Variants in DYNC1I2 observed in about 807,000 individuals in gnomAD.
DYNC1I2 encodes cytoplasmic dynein 1 intermediate chain 2.
A neutral mutation model predicts 88.6 loss-of-function variants in DYNC1I2; 53 were observed. That is an observed-to-expected ratio of 0.60 (90% confidence interval 0.48 to 0.75). DYNC1I2 has a LOEUF of 0.75. Ranked by LOEUF, DYNC1I2 falls within the 30% of genes least tolerant of loss-of-function variation. The probability of loss-of-function intolerance (pLI) is 0.00; values close to 1 mark genes in which losing one functional copy is unlikely to be tolerated. For synonymous variants in DYNC1I2, 198 were observed against 254.6 expected (o/e 0.78, Z 2.12); for missense variants, 458 against 766.6 (o/e 0.60, Z 4.75).
intron 15 of DYNC1I2, among the ~76,000 whole-genome samples, chr2:171,742,836 A>G (rs924450656): frequency 1.3e-4 from 19 of 151,880 alleles, no homozygotes; most frequent in African/African-American, 4.1e-4. Context: ...CTTGGATTCT[A>G]CTCCCAGCAG....
chr2:171,747,191 CAAAAA>C (rs1168082428), intron 17 of DYNC1I2, among the ~76,000 whole-genome samples: 14 of 76,002 alleles, frequency 1.8e-4, no homozygotes, highest in African/African-American at 5.2e-4. Context: ...GGGACTGTCT[CAAAAA>C]AAAAAAAAAA....
rs1174769632 is a variant in DYNC1I2 at position 171,729,860 on chromosome 2, A to G, written c.1536+7A>G. ...AAAGCTTTGGACAACTAAGGTATCT[A>G]AAATATAGATGTCTGCTATTTGCTC... On this transcript the variant is annotated splice_region_variant and intron_variant, in intron 15 of 17. Transcript: ENST00000397119. 3 of 1,613,364 alleles carry G rather than the reference A, an allele frequency of 1.9e-6. No individual in the cohort carries two copies. The highest frequency in any genetic ancestry group is 2.5e-6 in the Non-Finnish European group (3 of 1,179,566).
At chr2:171,721,596 A>G (rs981485013) in intron 7 of DYNC1I2, among the ~76,000 whole-genome samples, 6 of 152,232 alleles carry the variant, frequency 3.9e-5, no homozygotes, top group African/African-American at 9.6e-5. Flanking sequence ...TAATATTTTC[A>G]TAGCTGTTTG....
chr2:171,728,196 C>A, intron 12 of DYNC1I2, 109 bp from the exon 13 acceptor site: 1 of 735,720 alleles, frequency 1.4e-6, no homozygotes, highest in Non-Finnish European at 2.1e-6. Flanking sequence ...ATTAAGAATA[C>A]CCACAAGTTA....
intron 5 of DYNC1I2, among the ~76,000 whole-genome samples, chr2:171,711,223 G>A (rs149454217): frequency 0.018 from 2,764 of 152,076 alleles, 38 homozygotes; most frequent in Non-Finnish European, 0.024. Flanking sequence ...GGCTGGTCTC[G>A]AACTCCTGAC....
chr2:171,722,171 T>G (rs1037958375), intron 7 of DYNC1I2, among the ~76,000 whole-genome samples: 17 of 152,168 alleles, frequency 1.1e-4, no homozygotes, highest in Non-Finnish European at 4.4e-5. Flanking sequence ...TGTAAGAGAT[T>G]ATTCCAACAA....
At chr2:171,733,724 G>A (rs1688802333) in intron 15 of DYNC1I2, among the ~76,000 whole-genome samples, 1 of 150,438 alleles carries the variant, frequency 6.6e-6, no homozygotes, top group South Asian at 2.1e-4. Context: ...TCTGTAAGTT[G>A]TCTGTTTACT....
chr2:171,706,663 A>G (rs1686700518), intron 4 of DYNC1I2, 99 bp downstream of exon 4: 5 of 1,097,948 alleles, frequency 4.6e-6, no homozygotes, highest in African/African-American at 1.5e-5. Flanking sequence ...GCCTGTTTGC[A>G]TTTTTCACCC....
Position 171,698,419 on chromosome 2 carries a change from T to A in DYNC1I2, c.226+5525T>A, listed in dbSNP as rs575479675. The stretch of plus-strand genomic sequence containing the variant: ...TTATTTTTTGAGACAGGGTTTCACT[T>A]TGTCACCCATTTTGGAATGCAGTGG... On this transcript the variant is annotated intron_variant, in intron 3 of 17. Coordinates refer to ENST00000397119, the MANE Select transcript of DYNC1I2 (RefSeq NM_001378.3). Among the ~76,000 whole-genome samples, 4 of 152,224 alleles carry A rather than the reference T, an allele frequency of 2.6e-5. 1 individual carries two copies. The highest frequency in any genetic ancestry group is 9.6e-5 in the African/African-American group (4 of 41,542).
Position 171,744,051 on chromosome 2 carries a change from T to A in DYNC1I2, c.1539T>A (p.Asn513Lys), listed in dbSNP as rs1689624777. Residue 513 changes from asparagine to lysine, a missense_variant and splice_region_variant, in exon 16 of 18, where the codon AAT becomes AAA. Asn to Lys is a moderately conservative substitution (Grantham distance 94). Coordinates refer to ENST00000397119, the MANE Select transcript of DYNC1I2 (RefSeq NM_001378.3). Reference protein sequence around the residue: ...DWTVKLWTTKNNKPLYSFEDN... With the variant: ...DWTVKLWTTKKNKPLYSFEDN... ...AAGAATCAACTTTTCTCTTTCAGAA[T>A]AACAAGCCTTTGTATTCATTTGAAG... 1 of 1,608,058 alleles carries A rather than the reference T, an allele frequency of 6.2e-7. No homozygotes were observed. The highest frequency in any genetic ancestry group is 8.5e-7 in the Non-Finnish European group (1 of 1,178,558).
chr2:171,720,673 T>C (rs1574579949), intron 7 of DYNC1I2, among the ~76,000 whole-genome samples: 1 of 152,110 alleles, frequency 6.6e-6, no homozygotes, highest in South Asian at 2.1e-4. Flanking sequence ...AGAGGTTGCA[T>C]TGAGCCACGA....
intron 7 of DYNC1I2, among the ~76,000 whole-genome samples, chr2:171,716,563 C>G (rs939126588): frequency 1.3e-5 from 2 of 152,134 alleles, no homozygotes; most frequent in Non-Finnish European, 2.9e-5. Flanking sequence ...AAATCCCTGT[C>G]TACTACCAAA....
chr2:171,743,970 T>A (rs1203267896), intron 15 of DYNC1I2, 79 bp from the exon 16 acceptor site: 36 of 1,268,038 alleles, frequency 2.8e-5, no homozygotes, highest in Non-Finnish European at 3.6e-5. Flanking sequence ...ATGTATGTCA[T>A]TTTTTTCCCA....
chr2:171,721,510 AT>A (rs200317201), intron 7 of DYNC1I2, among the ~76,000 whole-genome samples: 2 of 152,164 alleles, frequency 1.3e-5, no homozygotes, highest in Non-Finnish European at 2.9e-5. Context: ...AAAAGAAGGG[AT>A]TTTTTGAAAA....
chr2:171,744,681 G>A (rs1327404824), intron 16 of DYNC1I2, among the ~76,000 whole-genome samples: 1 of 152,110 alleles, frequency 6.6e-6, no homozygotes, highest in African/African-American at 2.4e-5. Context: ...TGAAAACAGA[G>A]TGTTACTATA....
intron 7 of DYNC1I2, among the ~76,000 whole-genome samples, chr2:171,718,126 T>G (rs941933792): frequency 6.6e-6 from 1 of 151,872 alleles, no homozygotes; most frequent in African/African-American, 2.4e-5. Flanking sequence ...CCAGCTAATC[T>G]TTGTATTTTT....
chr2:171,747,719 G>A (rs1031977523), intron 17 of DYNC1I2, 57 bp from the exon 18 acceptor site: 1 of 1,237,970 alleles, frequency 8.1e-7, no homozygotes, highest in African/African-American at 1.5e-5. Flanking sequence ...CTGAATAATA[G>A]TGGGTAAAAT....
intron 15 of DYNC1I2, among the ~76,000 whole-genome samples, chr2:171,737,758 G>T (rs1322698244): frequency 1.3e-5 from 2 of 151,864 alleles, no homozygotes; most frequent in East Asian, 1.9e-4. Flanking sequence ...CAGTTACAGT[G>T]CATCCTGTTT....
chr2:171,698,795 G>A (rs532223437), intron 3 of DYNC1I2, among the ~76,000 whole-genome samples: 1 of 152,268 alleles, frequency 6.6e-6, no homozygotes, highest in Non-Finnish European at 1.5e-5. Context: ...AGTCAACCCG[G>A]GAGGTGGAGC....
Sources: allele counts gnomAD v4.1 joint callset (sites outside exome capture counted in the v4.1 genomes callset), GRCh38; gene constraint gnomAD v4.1.1; transcripts MANE v1.5; gene names NCBI Gene and HGNC (gene_info 2026-07-23, HGNC 2026-07-21).